Variants in LINGO2 observed in about 807,000 individuals in gnomAD.
The protein encoded by LINGO2 is leucine-rich repeat and immunoglobulin-like domain-containing nogo receptor-interacting protein 2.
Under a neutral mutation model 30.6 loss-of-function variants are expected in LINGO2, and 14 were observed. The ratio of observed to expected loss-of-function variants is 0.46; its 90% CI spans 0.30 to 0.72. The LOEUF (loss-of-function observed/expected upper bound fraction) is 0.72, where lower values mean the gene tolerates loss of function less well. Among genes scored for constraint, LINGO2 ranks in the 30% least tolerant of loss-of-function variants. The pLI is 0.07. For missense variants in LINGO2, 729 were observed against 751.7 expected, an observed-to-expected ratio of 0.97 and a Z score of 0.35; for synonymous variants, 317 against 288.5, an observed-to-expected ratio of 1.10 and a Z score of -1.00.
the LINGO2 span, among the ~76,000 whole-genome samples, chr9:29,000,797 G>A: frequency 6.6e-6 from 1 of 151,700 alleles, no homozygotes; most frequent in African/African-American, 2.4e-5. Flanking sequence ...TGTCCATTAT[G>A]TGCCTGCTGT....
chr9:28,472,062 T>C (rs962691158), intron 2 of LINGO2, among the ~76,000 whole-genome samples: 3 of 152,142 alleles, frequency 2.0e-5, no homozygotes, highest in African/African-American at 7.2e-5. Context: ...ATTTGTGACT[T>C]GGAAAGAAAA....
chr9:28,588,316 C>A (rs936573369), intron 1 of LINGO2, among the ~76,000 whole-genome samples: 6 of 151,734 alleles, frequency 4.0e-5, no homozygotes, highest in Non-Finnish European at 5.9e-5. Flanking sequence ...TAAAATTTTT[C>A]AAGGCTTTGT....
chr9:28,214,240 A>G (rs1820690074), intron 4 of LINGO2, among the ~76,000 whole-genome samples: 1 of 151,572 alleles, frequency 6.6e-6, no homozygotes, highest in African/African-American at 2.4e-5. Context: ...ATGGAACAAA[A>G]TTGCTGATGG....
the LINGO2 span, among the ~76,000 whole-genome samples, chr9:28,923,689 T>C: frequency 3.9e-5 from 6 of 152,128 alleles, no homozygotes; most frequent in Non-Finnish European, 8.8e-5. Context: ...ACTTAGGAAC[T>C]ATCAACTAAC....
chr9:28,811,137 G>A, the LINGO2 span, among the ~76,000 whole-genome samples: 2 of 152,024 alleles, frequency 1.3e-5, no homozygotes, highest in African/African-American at 4.8e-5. Flanking sequence ...TTGTAAATGG[G>A]ATCATAATCT....
At chr9:28,178,415 G>T (rs776151109) in intron 4 of LINGO2, among the ~76,000 whole-genome samples, 3 of 152,004 alleles carry the variant, frequency 2.0e-5, no homozygotes, top group African/African-American at 4.8e-5. Context: ...CATGGCAATA[G>T]ATGCTTCTGC....
chr9:29,188,194 C>G, the LINGO2 span, among the ~76,000 whole-genome samples: 5 of 151,806 alleles, frequency 3.3e-5, no homozygotes, highest in South Asian at 8.3e-4. Flanking sequence ...TCCCTGGGTA[C>G]TTAAGAGTAG....
chr9:28,562,864 T>A (rs1182859328), intron 1 of LINGO2, among the ~76,000 whole-genome samples: 1 of 151,872 alleles, frequency 6.6e-6, no homozygotes, highest in Non-Finnish European at 1.5e-5. Context: ...TTATTTATTT[T>A]GGGATGGAGT....
intron 4 of LINGO2, among the ~76,000 whole-genome samples, chr9:28,245,518 G>C (rs117690916): frequency 3.9e-5 from 6 of 152,240 alleles, no homozygotes; most frequent in Non-Finnish European, 7.4e-5. Context: ...AACTGTCTCT[G>C]TTTGCAGATG....
At chr9:28,864,542 G>C in the LINGO2 span, among the ~76,000 whole-genome samples, 1 of 152,080 alleles carries the variant, frequency 6.6e-6, no homozygotes, top group Non-Finnish European at 1.5e-5. Flanking sequence ...TCCCAGCCTA[G>C]TAAGCATAAT....
At chr9:28,801,942 A>G in the LINGO2 span, among the ~76,000 whole-genome samples, 1 of 152,002 alleles carries the variant, frequency 6.6e-6, no homozygotes, top group Admixed American at 6.6e-5. Context: ...AATAATTACA[A>G]TTCTCACAGA....
intron 3 of LINGO2, among the ~76,000 whole-genome samples, chr9:28,314,189 C>T (rs1824747890): frequency 6.6e-6 from 1 of 152,188 alleles, no homozygotes; most frequent in Non-Finnish European, 1.5e-5. Context: ...CCGCCTCGGC[C>T]TCCCAAAGTT....
chr9:28,852,888 C>A, the LINGO2 span, among the ~76,000 whole-genome samples: 2 of 152,000 alleles, frequency 1.3e-5, no homozygotes, highest in African/African-American at 4.8e-5. Context: ...GCCTATAATA[C>A]AATCATAATG....
intron 2 of LINGO2, among the ~76,000 whole-genome samples, chr9:28,418,488 A>G (rs1823058122): frequency 6.6e-6 from 1 of 152,006 alleles, no homozygotes; most frequent in South Asian, 2.1e-4. Flanking sequence ...CATCTTGGCC[A>G]GGCTGGTCTC....
At chr9:29,052,166 T>A in the LINGO2 span, among the ~76,000 whole-genome samples, 1 of 152,140 alleles carries the variant, frequency 6.6e-6, no homozygotes, top group African/African-American at 2.4e-5. Flanking sequence ...TACGGAAAAT[T>A]AATCTTCATC....
intron 4 of LINGO2, among the ~76,000 whole-genome samples, chr9:28,266,111 A>T (rs1365938570): frequency 1.3e-5 from 2 of 151,916 alleles, no homozygotes; most frequent in Non-Finnish European, 2.9e-5. Context: ...TAATATACTC[A>T]CTATGCATCA....
At chr9:28,855,391 C>A in the LINGO2 span, among the ~76,000 whole-genome samples, 2 of 151,924 alleles carry the variant, frequency 1.3e-5, no homozygotes, top group Non-Finnish European at 2.9e-5. Flanking sequence ...GCATTCGTAA[C>A]CAGAAGCCAT....
At chr9:28,863,241 G>A in the LINGO2 span, among the ~76,000 whole-genome samples, 82 of 151,816 alleles carry the variant, frequency 5.4e-4, no homozygotes, top group Non-Finnish European at 8.4e-4. Context: ...TATATTAATT[G>A]GGCATAATAA....
At chr9:27,957,685 T>G (rs1343317100) in intron 5 of LINGO2, among the ~76,000 whole-genome samples, 4 of 152,218 alleles carry the variant, frequency 2.6e-5, no homozygotes, top group Non-Finnish European at 5.9e-5. Flanking sequence ...TTTGGGCTTT[T>G]CTAGATCATT....
Sources: allele counts gnomAD v4.1 joint callset (sites outside exome capture counted in the v4.1 genomes callset), GRCh38; gene constraint gnomAD v4.1.1; transcripts MANE v1.5; gene names NCBI Gene and HGNC (gene_info 2026-07-23, HGNC 2026-07-21).